The following GPC6 variants were observed in gnomAD, a reference collection of about 807,000 sequenced individuals.
The protein encoded by GPC6 is glypican 6.
A neutral mutation model predicts 55.2 loss-of-function variants in GPC6; 14 were observed. The ratio of observed to expected loss-of-function variants is 0.25; its 90% CI spans 0.17 to 0.40. The LOEUF is 0.40. GPC6 is among the 10% of genes least tolerant of loss of function. GPC6 has a pLI of 1.00. For missense variants in GPC6, 641 were observed against 708.5 expected (o/e 0.90, Z 1.08); for synonymous variants, 278 against 259.6 (o/e 1.07, Z -0.68).
chr13:93,434,172 A>G (rs980389225), intron 1 of GPC6, among the ~76,000 whole-genome samples: 4 of 152,174 alleles, frequency 2.6e-5, no homozygotes, highest in Admixed American at 6.5e-5. Flanking sequence ...GCCTCTGCCC[A>G]TGCAACCGTT....
At chr13:94,296,179 C>A (rs9524423) in intron 5 of GPC6, among the ~76,000 whole-genome samples, 2,383 of 152,242 alleles carry the variant, frequency 0.016, 33 homozygotes, top group East Asian at 0.036. Context: ...ACCCATCCAG[C>A]GCGAACTAGT....
chr13:93,953,027 C>G (rs1423557512), intron 3 of GPC6, among the ~76,000 whole-genome samples: 1 of 151,532 alleles, frequency 6.6e-6, no homozygotes, highest in Non-Finnish European at 1.5e-5. Flanking sequence ...TCTTAAGCTG[C>G]TTCTTGCTCC....
At chr13:93,759,679 T>G (rs2138874698) in intron 2 of GPC6, among the ~76,000 whole-genome samples, 1 of 152,282 alleles carries the variant, frequency 6.6e-6, no homozygotes, top group South Asian at 2.1e-4. Flanking sequence ...CCTAAATATC[T>G]TATTTTCAGA....
At chr13:93,347,076 T>C (rs1880456575) in intron 1 of GPC6, among the ~76,000 whole-genome samples, 1 of 152,150 alleles carries the variant, frequency 6.6e-6, no homozygotes, top group Non-Finnish European at 1.5e-5. Flanking sequence ...ATCTTAGTCA[T>C]TTATTGATGT....
intron 4 of GPC6, among the ~76,000 whole-genome samples, chr13:94,216,874 C>T (rs1890241539): frequency 6.6e-6 from 1 of 152,160 alleles, no homozygotes. Flanking sequence ...CCAGGGAGGT[C>T]TCCTCTAAGA....
chr13:93,227,616 G>A lies in GPC6; in HGVS notation c.160G>A (p.Gly54Arg). 3 of 1,599,872 alleles carry A rather than the reference G, an allele frequency of 1.9e-6. No individual in the cohort carries two copies. Among genetic ancestry groups the A allele is most frequent in the Non-Finnish European group, 2.6e-6 (3 of 1,176,064 alleles). ...LADIPYQEIA[G>R]EHLRICPQEY... ...GGACATCCCCTACCAGGAGATCGCA[G>A]GTAAGCGCGGGCGCGCTGCAGGGGC... is the stretch of plus-strand genomic sequence containing the variant. Residue 54 changes from glycine to arginine, a missense_variant and splice_region_variant, in exon 1 of 9, where the codon GGG becomes AGG. Coordinates refer to ENST00000377047, the MANE Select transcript of GPC6 (RefSeq NM_005708.5). This position sits in a 1 kb window ranked among gnomAD's most constrained non-coding sequence, Gnocchi z 4.3.
At chr13:93,405,249 A>G (rs1182356368) in intron 1 of GPC6, among the ~76,000 whole-genome samples, 1 of 151,688 alleles carries the variant, frequency 6.6e-6, no homozygotes, top group Non-Finnish European at 1.5e-5. Flanking sequence ...GTGTGGATCT[A>G]TCTCCTGGCA....
At chr13:93,994,811 A>T (rs977349991) in intron 3 of GPC6, among the ~76,000 whole-genome samples, 1 of 152,188 alleles carries the variant, frequency 6.6e-6, no homozygotes, top group African/African-American at 2.4e-5. Context: ...TTAAATGGGC[A>T]CACTTATTCA....
intron 2 of GPC6, among the ~76,000 whole-genome samples, chr13:93,577,752 A>G (rs1208241795): frequency 6.6e-6 from 1 of 152,030 alleles, no homozygotes; most frequent in Non-Finnish European, 1.5e-5. Flanking sequence ...CTTATGTTAA[A>G]TAAGAGTGGT....
rs139232333 is a variant in GPC6, at chr13:93,275,328, G to T, written c.160+47712G>T. 4.4e-3 allele frequency among the ~76,000 whole-genome samples: 667 copies of T among 152,236 alleles called. 5 individuals carry two copies. The highest frequency in any genetic ancestry group is 0.015 in the African/African-American group (642 of 41,548). On this transcript the variant is annotated intron_variant, in intron 1 of 8. Transcript: ENST00000377047. ...TGCACATGTGCAACATGTACAAAAA[G>T]ATCCTTTTGTTTTAGACCTTACGGA...
At chr13:93,233,311 AAT>A (rs981114470) in intron 1 of GPC6, among the ~76,000 whole-genome samples, 21 of 151,550 alleles carry the variant, frequency 1.4e-4, no homozygotes, top group African/African-American at 4.6e-4. Context: ...GTGGATGAAA[AAT>A]ATGTTTTAAA....
At chr13:93,390,411 T>C (rs936244168) in intron 1 of GPC6, among the ~76,000 whole-genome samples, 3 of 152,098 alleles carry the variant, frequency 2.0e-5, no homozygotes, top group Non-Finnish European at 4.4e-5. Flanking sequence ...ATGGCACTTA[T>C]AGAGACAATG....
chr13:93,446,472 A>G (rs928311300), intron 1 of GPC6, among the ~76,000 whole-genome samples: 48 of 148,078 alleles, frequency 3.2e-4, no homozygotes, highest in African/African-American at 1.1e-3. Flanking sequence ...AGGATCATCA[A>G]TTTAGCTAGA....
At chr13:94,326,220 C>CAG (rs1412482335) in intron 6 of GPC6, among the ~76,000 whole-genome samples, 3 of 151,880 alleles carry the variant, frequency 2.0e-5, no homozygotes. Flanking sequence ...CACACACACA[C>CAG]ACACACACAC....
At chr13:93,999,034 AT>A (rs1311068525) in intron 3 of GPC6, among the ~76,000 whole-genome samples, 1 of 151,952 alleles carries the variant, frequency 6.6e-6, no homozygotes, top group African/African-American at 2.4e-5. Flanking sequence ...ATGAGTTTGA[AT>A]TTTTTTTATT....
chr13:93,590,989 TA>T (rs924536773), intron 2 of GPC6, among the ~76,000 whole-genome samples: 41 of 143,504 alleles, frequency 2.9e-4, no homozygotes, highest in South Asian at 6.6e-4. Context: ...AGTATAATAA[TA>T]AAAAAAAAAG....
At chr13:94,171,106 C>G (rs866406811) in intron 4 of GPC6, among the ~76,000 whole-genome samples, 1 of 152,120 alleles carries the variant, frequency 6.6e-6, no homozygotes, top group Non-Finnish European at 1.5e-5. Flanking sequence ...TTTGCAGAAG[C>G]CCAAGTGTAC....
At chr13:94,322,317 C>G (rs1876870267) in intron 6 of GPC6, among the ~76,000 whole-genome samples, 1 of 152,210 alleles carries the variant, frequency 6.6e-6, no homozygotes. Context: ...CATTAAGCCT[C>G]TTTTTCTTTA....
chr13:94,402,493 A>G (rs1881183428), intron 8 of GPC6, among the ~76,000 whole-genome samples: 1 of 152,172 alleles, frequency 6.6e-6, no homozygotes, highest in Admixed American at 6.5e-5. Flanking sequence ...ACTGCCTATT[A>G]AAAACAATCC....
Sources: gnomAD v4.1 joint callset for allele counts (sites outside exome capture counted in the v4.1 genomes callset) on GRCh38, gnomAD v4.1.1 for gene constraint, Gnocchi (gnomAD v3.1) non-coding constraint, MANE v1.5 for transcripts, NCBI Gene and HGNC (gene_info 2026-07-23, HGNC 2026-07-21) for gene names.